The following RAB5A variants were observed in gnomAD, a reference collection of about 807,000 sequenced individuals.
The protein encoded by RAB5A is ras-related protein Rab-5A.
RAB5A carries 8 observed loss-of-function variants against 25.7 expected under a neutral mutation model. The observed-to-expected ratio is 0.31, with a 90% confidence interval of 0.18 to 0.56. RAB5A has a LOEUF of 0.56. Ranked by LOEUF, RAB5A falls within the 20% of genes least tolerant of loss-of-function variation. The probability of loss-of-function intolerance (pLI) is 0.91; values close to 1 mark genes in which losing one functional copy is unlikely to be tolerated. For missense variants in RAB5A, 192 were observed against 259.7 expected (o/e 0.74, Z 1.79); for synonymous variants, 98 against 89.8 (o/e 1.09, Z -0.52).
chr3:19,978,044 G>A (rs546187726), intron 4 of RAB5A, among the ~76,000 whole-genome samples: 1 of 152,298 alleles, frequency 6.6e-6, no homozygotes, highest in Non-Finnish European at 1.5e-5. Context: ...CTCAGTATTT[G>A]AAAGCAGATT....
At chr3:19,947,913 G>C (rs1457331410) in intron 1 of RAB5A, 1 of 152,404 alleles carries the variant, frequency 6.6e-6, no homozygotes, top group Non-Finnish European at 1.5e-5. Flanking sequence ...GGCGAGTGCT[G>C]CTTATCCAGG....
At chr3:19,976,479 A>T (rs1696826527) in intron 4 of RAB5A, among the ~76,000 whole-genome samples, 1 of 152,142 alleles carries the variant, frequency 6.6e-6, no homozygotes, top group Non-Finnish European at 1.5e-5. Context: ...TGAGGTTGGG[A>T]GTTCAAGACC....
At chr3:19,970,479 C>G (rs1034877624) in intron 2 of RAB5A, 19 of 451,194 alleles carry the variant, frequency 4.2e-5, no homozygotes, top group African/African-American at 3.8e-4. Flanking sequence ...CAGAGGGAGC[C>G]TATCAGACAG....
chr3:19,955,568 T>G lies in RAB5A; in HGVS notation c.163+4507T>G, dbSNP rs112553024. On this transcript the variant is annotated intron_variant, in intron 2 of 5. Transcript: ENST00000273047. The stretch of plus-strand genomic sequence containing the variant: ...ACCCATACATGGAATAATTGGGGGG[T>G]TTTTTTGAGGTGTGGTGTTTGTCAG... Among the ~76,000 whole-genome samples the G allele has an allele frequency of 6.5e-3, 983 of 151,872 alleles. 7 individuals carry two copies. Among genetic ancestry groups the G allele is most frequent in the African/African-American group, 0.022 (911 of 41,420 alleles).
At chr3:19,961,680 A>G (rs4858652) in intron 2 of RAB5A, among the ~76,000 whole-genome samples, 109,668 of 152,050 alleles carry the variant, frequency 0.72, 40,232 homozygotes, top group Non-Finnish European at 0.77. Context: ...AAATTCAAGA[A>G]GTTTATAAGG....
intron 2 of RAB5A, among the ~76,000 whole-genome samples, chr3:19,963,132 A>C (rs996179169): frequency 6.6e-6 from 1 of 152,168 alleles, no homozygotes; most frequent in African/African-American, 2.4e-5. Flanking sequence ...TCTGTGAACT[A>C]TTCATAACCT....
intron 2 of RAB5A, among the ~76,000 whole-genome samples, chr3:19,967,293 C>G (rs1024110764): frequency 6.6e-6 from 1 of 152,056 alleles, no homozygotes. Context: ...TACAGGCAAC[C>G]GCCACCACGT....
chr3:19,962,118 A>G (rs958956157), intron 2 of RAB5A, among the ~76,000 whole-genome samples: 9 of 152,206 alleles, frequency 5.9e-5, no homozygotes, highest in Non-Finnish European at 8.8e-5. Flanking sequence ...ACACACCTAC[A>G]TGTAGTAGCC....
intron 2 of RAB5A, 106 bp from the exon 3 acceptor site, chr3:19,975,494 AC>A: frequency 9.5e-7 from 1 of 1,051,682 alleles, no homozygotes; most frequent in Non-Finnish European, 1.4e-6. Context: ...GTACATACTT[AC>A]GGGGTACAGT....
chr3:19,948,559 G>T (rs1044003451), intron 1 of RAB5A, among the ~76,000 whole-genome samples: 6 of 152,162 alleles, frequency 3.9e-5, no homozygotes, highest in Non-Finnish European at 8.8e-5. Context: ...TTCTTGTTTT[G>T]CAAAACAGAA....
intron 2 of RAB5A, among the ~76,000 whole-genome samples, chr3:19,954,524 G>A (rs956129317): frequency 3.3e-5 from 5 of 152,048 alleles, no homozygotes; most frequent in Admixed American, 2.6e-4. Flanking sequence ...CTTGATTTAC[G>A]AATTCCTGTT....
Position 19,984,390 on chromosome 3 carries a change from G to T in RAB5A, c.*567G>T. 2 of 278,558 alleles carry T rather than the reference G, an allele frequency of 7.2e-6. No individual in the cohort carries two copies. Among genetic ancestry groups the T allele is most frequent in the Non-Finnish European group, 7.1e-6 (1 of 141,336 alleles). 17.3% of individuals were successfully genotyped at this position (278,558 alleles called of 1,614,324 possible). A position where few individuals can be genotyped will look rare whatever the true frequency, so the allele number is the denominator to read the frequency against. ...GTCAGGGGTGGGGAAGAGTATTAATGGTATCTTAATTATACCCAGTCTGGT... is the reference window on the plus strand; with the variant it reads ...GTCAGGGGTGGGGAAGAGTATTAATTGTATCTTAATTATACCCAGTCTGGT... On this transcript the variant is annotated 3_prime_UTR_variant, in exon 6 of 6. Coordinates refer to ENST00000273047, the MANE Select transcript of RAB5A (RefSeq NM_004162.5).
intron 2 of RAB5A, among the ~76,000 whole-genome samples, chr3:19,966,285 G>A (rs985482027): frequency 2.0e-5 from 3 of 152,162 alleles, no homozygotes; most frequent in African/African-American, 7.2e-5. Context: ...GAATTGTACA[G>A]TATTTGTACT....
intron 5 of RAB5A, among the ~76,000 whole-genome samples, chr3:19,983,358 A>AAAT (rs933465879): frequency 6.6e-6 from 1 of 151,682 alleles, no homozygotes; most frequent in Non-Finnish European, 1.5e-5. Flanking sequence ...AAAAAAAAAA[A>AAAT]AAAAAGAAGT....
chr3:19,968,220 T>C (rs948706843), intron 2 of RAB5A, among the ~76,000 whole-genome samples: 4 of 152,240 alleles, frequency 2.6e-5, no homozygotes, highest in Non-Finnish European at 5.9e-5. Context: ...TGCTACTTAA[T>C]ACTTAGTTAC....
Position 19,975,720 on chromosome 3 carries a change from G to A in RAB5A, c.283G>A (p.Ala95Thr), listed in dbSNP as rs549562506. Residue 95 changes from alanine to threonine, a missense_variant, in exon 3 of 6, where the codon GCA becomes ACA. Coordinates refer to ENST00000273047, the MANE Select transcript of RAB5A (RefSeq NM_004162.5). ...LAPMYYRGAQ[A>T]AIVVYDITNE... ...ACCAATGTACTACAGAGGAGCACAA[G>A]CAGCCATAGTTGTATATGATATCAC... 4 of 1,613,510 alleles carry A rather than the reference G, an allele frequency of 2.5e-6. No individual in the cohort carries two copies. The highest frequency in any genetic ancestry group is 1.1e-5 in the South Asian group (1 of 90,994).
Position 19,951,072 on chromosome 3 carries a change from C to G in RAB5A, c.163+11C>G. ...AGAGTACCATTGGGGGTGAGATTTT[C>G]TTTTTTCCCTGCTTCATTTAATCGA... is the stretch of plus-strand genomic sequence containing the variant. On this transcript the variant is annotated intron_variant, in intron 2 of 5. Coordinates refer to ENST00000273047, the MANE Select transcript of RAB5A (RefSeq NM_004162.5). The G allele has an allele frequency of 1.2e-6, 2 of 1,608,210 alleles. No individual in the cohort carries two copies. The highest frequency in any genetic ancestry group is 1.7e-6 in the Non-Finnish European group (2 of 1,177,144).
Position 19,984,297 on chromosome 3 carries a change from C to T in RAB5A, c.*474C>T, listed in dbSNP as rs1030031005. ...GGCAAATGTTCATTTCTCCTGGTACCTGTATTTAAAATGTACATTCCACAT... is the reference window on the plus strand; with the variant it reads ...GGCAAATGTTCATTTCTCCTGGTACTTGTATTTAAAATGTACATTCCACAT... On this transcript the variant is annotated 3_prime_UTR_variant, in exon 6 of 6. Coordinates refer to ENST00000273047, the MANE Select transcript of RAB5A (RefSeq NM_004162.5). 1.4e-5 allele frequency: 6 copies of T among 428,418 alleles called. No homozygotes were observed. Among genetic ancestry groups the T allele is most frequent in the Admixed American group, 1.2e-4 (4 of 33,662 alleles). The allele number at this position is 428,418 out of a possible 1,614,324, so 26.5% of individuals were successfully genotyped here. A position where few individuals can be genotyped will look rare whatever the true frequency, so the allele number is the denominator to read the frequency against.
At chr3:19,967,013 G>C (rs554132442) in intron 2 of RAB5A, among the ~76,000 whole-genome samples, 1 of 152,252 alleles carries the variant, frequency 6.6e-6, no homozygotes, top group East Asian at 1.9e-4. Context: ...TGCAGATCTT[G>C]AACGCCTGCT....
Sources: allele counts gnomAD v4.1 joint callset (sites outside exome capture counted in the v4.1 genomes callset), GRCh38; gene constraint gnomAD v4.1.1; transcripts MANE v1.5; gene names NCBI Gene and HGNC (gene_info 2026-07-23, HGNC 2026-07-21).